The following CRISP3 variants were observed in gnomAD, a reference collection of about 807,000 sequenced individuals.
The protein encoded by CRISP3 is cysteine rich secretory protein 3.
Under a neutral mutation model 36.1 loss-of-function variants are expected in CRISP3, and 33 were observed. The ratio of observed to expected loss-of-function variants is 0.91; its 90% CI spans 0.69 to 1.22. The LOEUF (loss-of-function observed/expected upper bound fraction) is 1.22. Ranked by LOEUF, CRISP3 falls within the 50% of genes most tolerant of loss-of-function variation. CRISP3 has a pLI of 0.00. For missense variants in CRISP3, 330 were observed against 301.2 expected, an observed-to-expected ratio of 1.10 and a Z score of -0.71; for synonymous variants, 117 against 104.6, an observed-to-expected ratio of 1.12 and a Z score of -0.72.
At chr6:49,742,090 CTT>C (rs1028429975) in intron 1 of CRISP3, among the ~76,000 whole-genome samples, 2 of 151,406 alleles carry the variant, frequency 1.3e-5, no homozygotes, top group African/African-American at 4.8e-5. Flanking sequence ...TTAAGAAACA[CTT>C]ATAACAGTTA....
rs1768906031 is a variant in CRISP3, at chr6:49,731,157, A to T, written c.649+6T>A. On this transcript the variant is annotated splice_donor_region_variant and intron_variant, in intron 7 of 7. Coordinates refer to ENST00000263045, the MANE Select transcript of CRISP3 (RefSeq NM_006061.4). ...TTTATTATCAAGTTAATCACTTCAA[A>T]CTTACTGCATAGTCCATCGTCACAG... 1 of 1,576,104 alleles carries T rather than the reference A, an allele frequency of 6.3e-7. No individual in the cohort carries two copies. Among genetic ancestry groups the T allele is most frequent in the Non-Finnish European group, 8.7e-7 (1 of 1,154,832 alleles).
chr6:49,731,312 G>A, intron 6 of CRISP3, 61 bp from the exon 7 acceptor site: 1 of 1,031,752 alleles, frequency 9.7e-7, no homozygotes, highest in South Asian at 1.6e-5. Flanking sequence ...TATGTTCCAA[G>A]GTTAGTATCA....
chr6:49,739,695 G>C (rs537193329), intron 1 of CRISP3, among the ~76,000 whole-genome samples: 1 of 152,048 alleles, frequency 6.6e-6, no homozygotes, highest in Non-Finnish European at 1.5e-5. Flanking sequence ...TAAATAGCAG[G>C]TGCAAGTGGA....
Position 49,731,216 on chromosome 6 carries a change from T to G in CRISP3, c.596A>C (p.Glu199Ala), listed in dbSNP as rs769526361. 7.4e-6 allele frequency: 12 copies of G among 1,611,580 alleles called. No individual in the cohort carries two copies. Among genetic ancestry groups the G allele is most frequent in the Non-Finnish European group, 2.5e-6 (3 of 1,178,794 alleles). The change falls in exon 7 of 8, where the codon GAA becomes GCA. Residue 199 changes from glutamate (E) to alanine (A), a missense_variant. Physicochemically the swap from Glu to Ala is moderately radical, Grantham distance 107. Coordinates refer to ENST00000263045, the MANE Select transcript of CRISP3 (RefSeq NM_006061.4). ...GCAACTGGCACAAGGTGCTCCTTGT[T>G]CATAAGGGACATATAGTCTATTAGC... The part of the protein sequence containing the change: ...NWANRLYVPY[E>A]QGAPCASCPD...
intron 6 of CRISP3, 59 bp downstream of exon 6, chr6:49,733,136 T>C: frequency 1.0e-6 from 1 of 966,194 alleles, no homozygotes. Flanking sequence ...AGTTTTTTTT[T>C]ATTAAATGTT....
chr6:49,730,385 T>G (rs573244355), intron 7 of CRISP3, among the ~76,000 whole-genome samples: 2 of 152,164 alleles, frequency 1.3e-5, no homozygotes, highest in African/African-American at 4.8e-5. Context: ...TATACTAAAC[T>G]TGATGATTGT....
At chr6:49,736,616 A>G (rs1769059217) in intron 2 of CRISP3, 109 bp from the exon 3 acceptor site, 1 of 819,900 alleles carries the variant, frequency 1.2e-6, no homozygotes, top group African/African-American at 1.7e-5. Flanking sequence ...AGTGTTGCCA[A>G]TGCTAGGTAA....
Position 49,731,212 on chromosome 6 carries a change from T to C in CRISP3, c.600A>G (p.Gln200=). The part of the protein sequence containing the change: ...WANRLYVPYE[Q]GAPCASCPDN... ...CTGGGCAACTGGCACAAGGTGCTCCTTGTTCATAAGGGACATATAGTCTAT... is the reference window on the plus strand; with the variant it reads ...CTGGGCAACTGGCACAAGGTGCTCCCTGTTCATAAGGGACATATAGTCTAT... The change falls in exon 7 of 8, where the codon CAA becomes CAG. Residue 200 remains glutamine (Q), a synonymous_variant. Transcript: ENST00000263045. 6.2e-7 allele frequency: 1 copy of C among 1,612,130 alleles called. No individual in the cohort carries two copies. The highest frequency in any genetic ancestry group is 1.1e-5 in the South Asian group (1 of 90,546).
At chr6:49,743,437 T>C (rs1769257036) in intron 1 of CRISP3, among the ~76,000 whole-genome samples, 1 of 152,138 alleles carries the variant, frequency 6.6e-6, no homozygotes, top group Non-Finnish European at 1.5e-5. Context: ...AGGCAGACAT[T>C]CTAGATTTGG....
In CRISP3 at chr6:49,740,785, T is replaced by C. The variant is rs534697825; in HGVS notation, c.38-3387A>G. On this transcript the variant is annotated intron_variant, in intron 1 of 7. Transcript: ENST00000263045. The stretch of plus-strand genomic sequence containing the variant: ...GCTCTAGTGCTATGTGTCAGCAAAG[T>C]AGCATCGAAGAACTGTAAGACCCAT... Among the ~76,000 whole-genome samples, 15 of 152,212 alleles carry C rather than the reference T, an allele frequency of 9.9e-5. No individual in the cohort carries two copies. The South Asian group carries it at 1.7e-3, about 17-fold the overall frequency.
intron 6 of CRISP3, among the ~76,000 whole-genome samples, chr6:49,732,527 A>AG (rs1170737503): frequency 1.3e-5 from 2 of 152,178 alleles, no homozygotes; most frequent in South Asian, 4.1e-4. Flanking sequence ...ATATTGCTTG[A>AG]GAAAAAAAAG....
At chr6:49,744,007 T>C (rs1442036973) in intron 1 of CRISP3, among the ~76,000 whole-genome samples, 9 of 152,152 alleles carry the variant, frequency 5.9e-5, no homozygotes, top group Admixed American at 2.0e-4. Context: ...TTCATTTTTC[T>C]ATTAAAAATA....
chr6:49,731,140 C>G (rs767579870), intron 7 of CRISP3, 23 bp downstream of exon 7: 2 of 1,457,334 alleles, frequency 1.4e-6, no homozygotes, highest in South Asian at 2.5e-5. Flanking sequence ...ATTTTATTAT[C>G]AAGTTAATCA....
intron 1 of CRISP3, among the ~76,000 whole-genome samples, chr6:49,737,668 C>T (rs1260601383): frequency 6.6e-6 from 1 of 152,162 alleles, no homozygotes; most frequent in Non-Finnish European, 1.5e-5. Flanking sequence ...CTTTCTACCT[C>T]CTTCTTCCGC....
intron 2 of CRISP3, among the ~76,000 whole-genome samples, 181 bp downstream of exon 2, chr6:49,737,144 G>C (rs978533900): frequency 2.0e-5 from 3 of 151,830 alleles, no homozygotes; most frequent in African/African-American, 7.3e-5. Context: ...ATGTGGCTAG[G>C]GGCTACCATA....
intron 5 of CRISP3, 22 bp downstream of exon 5, chr6:49,733,681 G>A (rs184193221): frequency 1.0e-5 from 16 of 1,591,414 alleles, no homozygotes; most frequent in Middle Eastern, 1.7e-4. Context: ...AAAGGAGATG[G>A]TTTTTCATTT....
At chr6:49,733,428 G>T in intron 5 of CRISP3, 136 bp from the exon 6 acceptor site, 1 of 648,660 alleles carries the variant, frequency 1.5e-6, no homozygotes. Flanking sequence ...GCTATATTTA[G>T]TTAAATTATT....
intron 7 of CRISP3, 80 bp downstream of exon 7, chr6:49,731,083 G>A: frequency 9.6e-7 from 1 of 1,040,644 alleles, no homozygotes; most frequent in Non-Finnish European, 1.4e-6. Context: ...GCTTAAGTTG[G>A]TTGTCTTCAG....
rs115036483 is a variant in CRISP3 at position 49,733,864 on chromosome 6, C to A, written c.317-16G>T. Reference sequence around the variant, plus strand: ...CATTTTAGACCTAAGAAGGAACAGACCACTCATGAGGAAAGCAATAAAGCA... The same window carrying A: ...CATTTTAGACCTAAGAAGGAACAGAACACTCATGAGGAAAGCAATAAAGCA... On this transcript the variant is annotated splice_polypyrimidine_tract_variant and intron_variant, in intron 4 of 7. Coordinates refer to ENST00000263045, the MANE Select transcript of CRISP3 (RefSeq NM_006061.4). 2,237 of 1,611,130 alleles carry A rather than the reference C, an allele frequency of 1.4e-3. 35 individuals are homozygous for A. In the African/African-American group the frequency reaches 0.026, roughly 19 times the overall value.
Sources: gnomAD v4.1 joint callset for allele counts (sites outside exome capture counted in the v4.1 genomes callset) on GRCh38, gnomAD v4.1.1 for gene constraint, MANE v1.5 for transcripts, NCBI Gene and HGNC (gene_info 2026-07-23, HGNC 2026-07-21) for gene names.